ASIC2: variants seen among roughly 807,000 people sequenced by gnomAD.
The protein encoded by ASIC2 is acid-sensing ion channel 2.
In ASIC2, 25 loss-of-function variants were observed where a neutral mutation model predicts 57.3. The observed-to-expected ratio is 0.44, with a 90% CI of 0.32 to 0.61. ASIC2 has a LOEUF of 0.61. ASIC2 is among the 20% of genes least tolerant of loss of function. ASIC2 has a pLI of 0.06. For synonymous variants in ASIC2, 319 were observed against 307.5 expected (o/e 1.04, Z -0.39); for missense variants, 641 against 738.1 (o/e 0.87, Z 1.52).
At chr17:33,959,557 C>G (rs1157944399) in intron 1 of ASIC2, among the ~76,000 whole-genome samples, 1 of 152,222 alleles carries the variant, frequency 6.6e-6, no homozygotes, top group Non-Finnish European at 1.5e-5. Context: ...GAGCCCCTGG[C>G]TGACCACTGG....
At chr17:33,156,261 G>A (rs1321578388) in intron 1 of ASIC2, among the ~76,000 whole-genome samples, 2 of 151,486 alleles carry the variant, frequency 1.3e-5, no homozygotes, top group Non-Finnish European at 2.9e-5. Context: ...CCTAGTAGCT[G>A]GGATTACAGG....
intron 1 of ASIC2, among the ~76,000 whole-genome samples, chr17:33,750,067 T>G (rs929632181): frequency 6.6e-6 from 1 of 152,112 alleles, no homozygotes; most frequent in African/African-American, 2.4e-5. Flanking sequence ...CTTCCTCTAC[T>G]CCTGTCCATT....
At chr17:33,671,772 G>A (rs1907645831) in intron 1 of ASIC2, among the ~76,000 whole-genome samples, 1 of 152,186 alleles carries the variant, frequency 6.6e-6, no homozygotes, top group African/African-American at 2.4e-5. Flanking sequence ...TGGGTCCTGA[G>A]TCGCGAGATG....
At chr17:34,067,860 G>T (rs2142065393) in intron 1 of ASIC2, among the ~76,000 whole-genome samples, 1 of 152,182 alleles carries the variant, frequency 6.6e-6, no homozygotes, top group Non-Finnish European at 1.5e-5. Context: ...TATACAATAT[G>T]GTATAGCAAT....
intron 1 of ASIC2, among the ~76,000 whole-genome samples, chr17:33,947,020 C>T (rs920313990): frequency 3.3e-5 from 5 of 152,104 alleles, no homozygotes; most frequent in African/African-American, 1.2e-4. Context: ...CTGAGTTCCA[C>T]TGAGTAATAG....
rs777863180 is a variant in ASIC2, at chr17:33,013,723, C to T, written c.*242G>A. Reference sequence around the variant, plus strand: ...TGGCAGTGAGATGTGATGGCAGGTTCGTTCTTGGACAGTTCCAGAGTGTGA... The same window carrying T: ...TGGCAGTGAGATGTGATGGCAGGTTTGTTCTTGGACAGTTCCAGAGTGTGA... On this transcript the variant is annotated 3_prime_UTR_variant, in exon 10 of 10. Coordinates refer to ENST00000225823, the MANE Select transcript of ASIC2 (RefSeq NM_183377.2). 12 of 528,854 alleles carry T rather than the reference C, an allele frequency of 2.3e-5. No homozygotes were observed. The highest frequency in any genetic ancestry group is 3.1e-5 in the Non-Finnish European group (9 of 294,550). The allele number at this position is 528,854 out of a possible 1,614,324, so 32.8% of individuals were successfully genotyped here.
At chr17:33,904,178 A>AT (rs1211420843) in intron 1 of ASIC2, among the ~76,000 whole-genome samples, 9 of 151,192 alleles carry the variant, frequency 6.0e-5, no homozygotes, top group Non-Finnish European at 1.2e-4. Context: ...AAAAAAAAAA[A>AT]AAAAAAAAAG....
At chr17:33,610,023 A>G (rs899463990) in intron 1 of ASIC2, among the ~76,000 whole-genome samples, 1 of 146,798 alleles carries the variant, frequency 6.8e-6, no homozygotes, top group African/African-American at 2.6e-5. Context: ...TGCACCCACC[A>G]TCTCTCTTCA....
At chr17:33,534,634 A>G (rs899586022) in intron 1 of ASIC2, 1 of 152,204 alleles carries the variant, frequency 6.6e-6, no homozygotes, top group Non-Finnish European at 1.5e-5. Context: ...ATTGTTATCC[A>G]TCACCCCATA....
intron 1 of ASIC2, among the ~76,000 whole-genome samples, chr17:33,839,061 G>C (rs527637666): frequency 3.9e-4 from 59 of 152,316 alleles, no homozygotes; most frequent in African/African-American, 1.4e-3. Context: ...AGAATAAGAT[G>C]CAATTGATTC....
intron 1 of ASIC2, among the ~76,000 whole-genome samples, chr17:33,852,451 G>A (rs1913795371): frequency 6.6e-6 from 1 of 152,122 alleles, no homozygotes; most frequent in South Asian, 2.1e-4. Flanking sequence ...AAAAGCTGGT[G>A]CCTCTGAGCA....
chr17:33,535,477 C>T (rs1395741811), intron 1 of ASIC2, among the ~76,000 whole-genome samples: 5 of 151,894 alleles, frequency 3.3e-5, no homozygotes, highest in African/African-American at 7.3e-5. Context: ...CGGGTTTCAT[C>T]GTGTTAGCCA....
intron 1 of ASIC2, among the ~76,000 whole-genome samples, chr17:33,971,228 C>T (rs1475532308): frequency 6.6e-6 from 1 of 152,140 alleles, no homozygotes; most frequent in Non-Finnish European, 1.5e-5. Context: ...CACACCAGCT[C>T]TCCTGCCTTC....
chr17:33,673,897 C>CTTTTTT (rs574986885), intron 1 of ASIC2, among the ~76,000 whole-genome samples: 1 of 141,158 alleles, frequency 7.1e-6, no homozygotes, highest in African/African-American at 2.7e-5. Context: ...GCATCCGTGT[C>CTTTTTT]TTTTTTTTTT....
At chr17:33,738,794 A>G (rs1389013524) in intron 1 of ASIC2, among the ~76,000 whole-genome samples, 1 of 152,210 alleles carries the variant, frequency 6.6e-6, no homozygotes, top group Non-Finnish European at 1.5e-5. Flanking sequence ...CTCTCCCGCT[A>G]GAACAAGGTG....
intron 1 of ASIC2, among the ~76,000 whole-genome samples, chr17:33,820,565 C>A (rs1912713031): frequency 6.6e-6 from 1 of 151,980 alleles, no homozygotes; most frequent in African/African-American, 2.4e-5. Flanking sequence ...ACAAGTCAGT[C>A]AATAAGGTTT....
chr17:33,515,972 C>A (rs969510229), intron 1 of ASIC2, among the ~76,000 whole-genome samples: 1 of 152,070 alleles, frequency 6.6e-6, no homozygotes, highest in African/African-American at 2.4e-5. Context: ...TGGTGTGCGC[C>A]TGTAGTCCCA....
intron 1 of ASIC2, among the ~76,000 whole-genome samples, chr17:33,493,208 C>G (rs938370681): frequency 1.3e-5 from 2 of 152,272 alleles, no homozygotes; most frequent in African/African-American, 4.8e-5. Flanking sequence ...TCAGCCACAC[C>G]GAAGGCTGGG....
At chr17:33,294,334 G>A (rs902860534), upstream of ASIC2, among the ~76,000 whole-genome samples, 2 of 152,192 alleles carry the variant, frequency 1.3e-5, no homozygotes, top group African/African-American at 2.4e-5. Context: ...GGGGAGAGGA[G>A]GCTTGGGGAA....
Sources: gnomAD v4.1 joint callset for allele counts (sites outside exome capture counted in the v4.1 genomes callset) on GRCh38, gnomAD v4.1.1 for gene constraint, MANE v1.5 for transcripts, NCBI Gene and HGNC (gene_info 2026-07-23, HGNC 2026-07-21) for gene names.